The following TNR variants were observed in gnomAD, a reference collection of about 807,000 sequenced individuals.
TNR encodes the protein tenascin R, also known as tenascin-R.
TNR carries 45 observed loss-of-function variants against 150.4 expected under a neutral mutation model. The ratio of observed to expected loss-of-function variants is 0.30; its 90% CI spans 0.24 to 0.38. The LOEUF (loss-of-function observed/expected upper bound fraction) is 0.38, where lower values mean the gene tolerates loss of function less well. Among genes scored for constraint, TNR ranks in the 10% least tolerant of loss-of-function variants. The probability of loss-of-function intolerance (pLI) is 1.00; values close to 1 mark genes in which losing one functional copy is unlikely to be tolerated. For synonymous variants in TNR, 687 were observed against 678.4 expected, an observed-to-expected ratio of 1.01 and a Z score of -0.20; for missense variants, 1,544 against 1,759.1, an observed-to-expected ratio of 0.88 and a Z score of 2.19.
chr1:175,584,633 C>T (rs1662494939), intron 1 of TNR, among the ~76,000 whole-genome samples: 1 of 152,126 alleles, frequency 6.6e-6, no homozygotes, highest in Non-Finnish European at 1.5e-5. Flanking sequence ...AATAAATACT[C>T]GCTATTTGAT....
At chr1:175,451,803 T>C (rs767868641) in intron 2 of TNR, among the ~76,000 whole-genome samples, 2 of 152,226 alleles carry the variant, frequency 1.3e-5, no homozygotes, top group Non-Finnish European at 1.5e-5. Flanking sequence ...ATTTTGAACG[T>C]TGGAGAGACA....
intron 1 of TNR, among the ~76,000 whole-genome samples, chr1:175,684,777 T>C (rs559902994): frequency 1.6e-3 from 244 of 152,236 alleles, no homozygotes; most frequent in African/African-American, 5.4e-3. Context: ...CTTATGGAGG[T>C]TGACAGTATA....
intron 2 of TNR, among the ~76,000 whole-genome samples, chr1:175,419,069 TA>T (rs1286411805): frequency 6.6e-6 from 1 of 152,206 alleles, no homozygotes; most frequent in East Asian, 1.9e-4. Flanking sequence ...AGGCTCAGAT[TA>T]GCCTTCCTCA....
In TNR at chr1:175,670,688, T is replaced by C. The variant is rs573478936; in HGVS notation, c.-165+72538A>G. Among the ~76,000 whole-genome samples the C allele has an allele frequency of 7.9e-4, 120 of 152,240 alleles. 1 individual carries two copies. The highest frequency in any genetic ancestry group is 2.7e-3 in the African/African-American group (113 of 41,556). ...CATAAGGGATGACAATTGGGATGAATTTTTGATGACAAATAAAGTTAGGAA... is the reference window on the plus strand; with the variant it reads ...CATAAGGGATGACAATTGGGATGAACTTTTGATGACAAATAAAGTTAGGAA... On this transcript the variant is annotated intron_variant, in intron 1 of 22. Coordinates refer to ENST00000367674, the MANE Select transcript of TNR (RefSeq NM_003285.3).
chr1:175,683,059 G>A (rs557745047), intron 1 of TNR, among the ~76,000 whole-genome samples: 2 of 152,246 alleles, frequency 1.3e-5, no homozygotes, highest in Admixed American at 1.3e-4. Context: ...CAACTTGACT[G>A]TAGTCTGTGG....
chr1:175,553,458 T>G (rs11579540), intron 1 of TNR, among the ~76,000 whole-genome samples: 74,455 of 151,968 alleles, frequency 0.49, 18,828 homozygotes, highest in East Asian at 0.67. Flanking sequence ...CGTTTACCAC[T>G]GGGGCCCTAA....
intron 1 of TNR, among the ~76,000 whole-genome samples, chr1:175,619,070 C>T (rs1663873829): frequency 6.6e-6 from 1 of 152,174 alleles, no homozygotes; most frequent in South Asian, 2.1e-4. Context: ...GAAAAGAGAC[C>T]TTGCTGCCCT....
intron 1 of TNR, among the ~76,000 whole-genome samples, chr1:175,647,746 T>C (rs1237548143): frequency 6.6e-6 from 1 of 152,162 alleles, no homozygotes; most frequent in Non-Finnish European, 1.5e-5. Context: ...CTTCCTCACC[T>C]GGAAGCTGTG....
intron 4 of TNR, among the ~76,000 whole-genome samples, chr1:175,398,225 A>G (rs550063690): frequency 4.6e-5 from 7 of 152,210 alleles, no homozygotes; most frequent in Non-Finnish European, 7.3e-5. Flanking sequence ...AATCAGCAGC[A>G]TATATATGCA....
intron 1 of TNR, among the ~76,000 whole-genome samples, chr1:175,671,593 T>G (rs1003554185): frequency 1.3e-5 from 2 of 152,200 alleles, no homozygotes; most frequent in African/African-American, 4.8e-5. Context: ...CAAGTGAAAT[T>G]TGAATCTCAG....
chr1:175,424,713 G>A (rs1403074394), intron 2 of TNR, among the ~76,000 whole-genome samples: 1 of 152,104 alleles, frequency 6.6e-6, no homozygotes, highest in African/African-American at 2.4e-5. Context: ...CAGCAGACAG[G>A]CTACATAGGG....
intron 11 of TNR, 84 bp from the exon 12 acceptor site, chr1:175,365,363 C>A: frequency 6.9e-7 from 1 of 1,455,414 alleles, no homozygotes; most frequent in Non-Finnish European, 9.2e-7. Flanking sequence ...CTAAAGGGAC[C>A]TGCTCTCCTT....
chr1:175,350,133 C>A (rs1011216050), intron 18 of TNR, among the ~76,000 whole-genome samples: 1 of 152,182 alleles, frequency 6.6e-6, no homozygotes, highest in African/African-American at 2.4e-5. Context: ...ACCTCAAAAG[C>A]TGAAGCTTGT....
At position 175,365,997 on chromosome 1, in the gene TNR, A is replaced by G. The variant is rs200008685; in HGVS notation, c.2195T>C (p.Val732Ala). Residue 732 changes from valine (V) to alanine (A), a missense_variant, in exon 11 of 23, where the codon GTA becomes GCA. This residue lies in a region of TNR where 1,254 missense variants were observed against 1,329.4 expected (regional missense o/e 0.94). Coordinates refer to ENST00000367674, the MANE Select transcript of TNR (RefSeq NM_003285.3). ...PSSGIASEVT[V>A]PKDRTSYTLT... ...TGTGTATGAGGTCCTGTCCTTGGGT[A>G]CGGTGACTTCTGAGGCAATCCCAGA... 144 of 1,614,018 alleles carry G rather than the reference A, an allele frequency of 8.9e-5. 1 individual carries two copies. The highest frequency in any genetic ancestry group is 1.8e-5 in the Non-Finnish European group (21 of 1,180,010).
intron 1 of TNR, among the ~76,000 whole-genome samples, chr1:175,614,906 A>T (rs1453249644): frequency 6.6e-6 from 1 of 152,208 alleles, no homozygotes. Flanking sequence ...TAAAGGTGAC[A>T]ATGAAGCAAT....
intron 1 of TNR, among the ~76,000 whole-genome samples, chr1:175,550,591 C>G (rs918786339): frequency 6.6e-6 from 1 of 151,664 alleles, no homozygotes; most frequent in African/African-American, 2.4e-5. Context: ...CTTCTCCCTA[C>G]CCTACTTCCA....
At chr1:175,630,580 T>C (rs569578104) in intron 1 of TNR, among the ~76,000 whole-genome samples, 258 of 152,306 alleles carry the variant, frequency 1.7e-3, no homozygotes, top group Non-Finnish European at 3.1e-3. Context: ...TCCCTTTCTT[T>C]CTCTTTTATC....
intron 1 of TNR, among the ~76,000 whole-genome samples, chr1:175,725,410 T>C (rs1667450283): frequency 6.6e-6 from 1 of 152,172 alleles, no homozygotes; most frequent in Non-Finnish European, 1.5e-5. Flanking sequence ...CACAGCATTG[T>C]CAAAAATGGC....
At chr1:175,584,914 G>A (rs1425193611) in intron 1 of TNR, among the ~76,000 whole-genome samples, 1 of 152,170 alleles carries the variant, frequency 6.6e-6, no homozygotes, top group Non-Finnish European at 1.5e-5. Context: ...TCAAGGAAGG[G>A]CTCCAATTTC....
Sources: allele counts gnomAD v4.1 joint callset (sites outside exome capture counted in the v4.1 genomes callset), GRCh38; gene constraint gnomAD v4.1.1; regional missense constraint gnomAD v4.1.1; transcripts MANE v1.5; gene names NCBI Gene and HGNC (gene_info 2026-07-23, HGNC 2026-07-21).